Variants in RRP12 observed in about 807,000 individuals in gnomAD.
RRP12 encodes the protein ribosomal RNA processing 12 homolog.
In RRP12, 78 loss-of-function variants were observed where a neutral mutation model predicts 157.3. The observed-to-expected ratio is 0.50, with a 90% confidence interval of 0.41 to 0.60. RRP12 has a LOEUF of 0.60. Ranked by LOEUF, RRP12 falls within the 20% of genes least tolerant of loss-of-function variation. The probability of loss-of-function intolerance (pLI) is 0.00; values close to 1 mark genes in which losing one functional copy is unlikely to be tolerated. For missense variants in RRP12, 1,521 were observed against 1,679.9 expected, an observed-to-expected ratio of 0.91 and a Z score of 1.65; for synonymous variants, 726 against 670.9, an observed-to-expected ratio of 1.08 and a Z score of -1.27.
In RRP12 at chr10:97,370,951, A is replaced by G; in HGVS notation, c.2474T>C (p.Leu825Pro). ...CTTGGCGGGTGAGGAGGTGCTCCGC[A>G]GCGAGTCCAGCAGTGTCTTCTTCAG... ...EDLKKTLLDSLRSTSSPAKRP... is the reference protein window; with the variant it reads ...EDLKKTLLDSPRSTSSPAKRP... The change falls in exon 21 of 34, where the codon CTG becomes CCG. Residue 825 changes from leucine to proline, a missense_variant. Physicochemically the swap from Leu to Pro is moderately conservative, Grantham distance 98. Coordinates refer to ENST00000370992, the MANE Select transcript of RRP12 (RefSeq NM_015179.4). 6.2e-7 allele frequency: 1 copy of G among 1,613,978 alleles called. No individual in the cohort carries two copies. Among genetic ancestry groups the G allele is most frequent in the Non-Finnish European group, 8.5e-7 (1 of 1,179,982 alleles).
intron 15 of RRP12, among the ~76,000 whole-genome samples, chr10:97,376,058 G>A (rs565994430): frequency 2.0e-5 from 3 of 151,990 alleles, no homozygotes; most frequent in East Asian, 1.9e-4. Flanking sequence ...AGCCAAGATC[G>A]CACCACTGCA....
chr10:97,396,193 C>T (rs1368462781), intron 3 of RRP12, 25 bp downstream of exon 3: 1 of 1,548,350 alleles, frequency 6.5e-7, no homozygotes. Context: ...CTCTGAACAC[C>T]CACCCTCCAG....
chr10:97,363,661 A>C (rs1410086713), intron 30 of RRP12, among the ~76,000 whole-genome samples, 193 bp downstream of exon 30: 2 of 152,106 alleles, frequency 1.3e-5, no homozygotes, highest in Admixed American at 1.3e-4. Context: ...TTTCTCCTTT[A>C]ACTAGACAAC....
chr10:97,370,111 T>C (rs989863994), intron 24 of RRP12, 56 bp downstream of exon 24: 70 of 1,235,390 alleles, frequency 5.7e-5, no homozygotes, highest in African/African-American at 7.4e-5. Flanking sequence ...TCCTGACCTT[T>C]TGGGCATCTT....
At chr10:97,377,334 T>C (rs1311653848) in intron 15 of RRP12, among the ~76,000 whole-genome samples, 1 of 151,828 alleles carries the variant, frequency 6.6e-6, no homozygotes, top group Non-Finnish European at 1.5e-5. Context: ...CTGGCCAACA[T>C]GGTGAAACCC....
rs752044310 is a variant in RRP12, at chr10:97,372,107, C to A, written c.2309G>T (p.Ser770Ile). Reference sequence around the variant, plus strand: ...GGGCCGGATGGTGGAGTATAGCTTACTGATGGCAGCTTCGTCAGCACACGG... The same window carrying A: ...GGGCCGGATGGTGGAGTATAGCTTAATGATGGCAGCTTCGTCAGCACACGG... ...LAPCADEAAI[S>I]KLYSTIRPYL... Residue 770 changes from serine (S) to isoleucine (I), a missense_variant, in exon 20 of 34, where the codon AGT becomes ATT. Physicochemically the swap from Ser to Ile is moderately radical, Grantham distance 142. Coordinates refer to ENST00000370992, the MANE Select transcript of RRP12 (RefSeq NM_015179.4). 4 of 1,613,582 alleles carry A rather than the reference C, an allele frequency of 2.5e-6. No homozygotes were observed. The African/African-American group carries it at 5.3e-5, about 22-fold the overall frequency.
Position 97,366,718 on chromosome 10 carries a change from CCCATGGCCCTA to C in RRP12, c.3215+13_3215+23del, listed in dbSNP as rs746909523. Reference sequence around the variant, plus strand: ...CCCTTGGGTTGGGGGGACACCGGGTCCCATGGCCCTAACATGGTCTCACCTGTCACCTTTGC... The same window carrying C: ...CCCTTGGGTTGGGGGGACACCGGGTCACATGGTCTCACCTGTCACCTTTGC... On this transcript the variant is annotated intron_variant, in intron 27 of 33. Transcript: ENST00000370992. 1.2e-6 allele frequency: 2 copies of C among 1,606,588 alleles called. No individual in the cohort carries two copies. Among genetic ancestry groups the C allele is most frequent in the African/African-American group, 2.7e-5 (2 of 74,820 alleles).
rs1270182183 is a variant in RRP12 at position 97,381,434 on chromosome 10, A to G, written c.1370T>C (p.Val457Ala). 1.2e-6 allele frequency: 2 copies of G among 1,613,640 alleles called. No individual in the cohort carries two copies. The highest frequency in any genetic ancestry group is 1.7e-6 in the Non-Finnish European group (2 of 1,179,844). ...GGCAGGGCCTGAGGCCGAGGAGGTCACGGAGCCAATGTCAGCCATGTGGGG... is the reference window on the plus strand; with the variant it reads ...GGCAGGGCCTGAGGCCGAGGAGGTCGCGGAGCCAATGTCAGCCATGTGGGG... ...VAPHMADIGS[V>A]TSSASGPAQS... The change falls in exon 12 of 34, where the codon GTG (valine) becomes GCG (alanine). Residue 457 changes from valine to alanine, a missense_variant. Coordinates refer to ENST00000370992, the MANE Select transcript of RRP12 (RefSeq NM_015179.4).
At chr10:97,396,947 T>C (rs1394274820) in intron 2 of RRP12, among the ~76,000 whole-genome samples, 4 of 151,764 alleles carry the variant, frequency 2.6e-5, no homozygotes, top group Non-Finnish European at 5.9e-5. Flanking sequence ...GTATTTTTAG[T>C]AGAGATGGGG....
chr10:97,390,875 G>C (rs1182595020), intron 4 of RRP12, 31 bp from the exon 5 acceptor site: 6 of 1,451,672 alleles, frequency 4.1e-6, no homozygotes, highest in African/African-American at 2.8e-5. Flanking sequence ...GGTCACCCCA[G>C]AGGGTCCCTG....
rs759510639 is a variant in RRP12, at chr10:97,393,753, G to C, written c.461C>G (p.Thr154Arg). The C allele has an allele frequency of 6.2e-7, 1 of 1,613,858 alleles. No homozygotes were observed. Among genetic ancestry groups the C allele is most frequent in the East Asian group, 2.2e-5 (1 of 44,866 alleles). ...CTCCGGGGACTCCACTGCTTCCATTGTTGTCATCTGAGGGCCAGATTGAGG... is the reference window on the plus strand; with the variant it reads ...CTCCGGGGACTCCACTGCTTCCATTCTTGTCATCTGAGGGCCAGATTGAGG... ...ETEYFAALMTTMEAVESPESL... is the reference protein window; with the variant it reads ...ETEYFAALMTRMEAVESPESL... The change falls in exon 4 of 34, where the codon ACA becomes AGA. Residue 154 changes from threonine (T) to arginine (R), a missense_variant. Transcript: ENST00000370992.
Position 97,379,701 on chromosome 10 carries a change from C to T in RRP12, c.1603G>A (p.Val535Met), listed in dbSNP as rs1272452199. Residue 535 changes from valine (V) to methionine (M), a missense_variant, in exon 14 of 34, where the codon GTG becomes ATG. Physicochemically the swap from Val to Met is conservative, Grantham distance 21. Coordinates refer to ENST00000370992, the MANE Select transcript of RRP12 (RefSeq NM_015179.4). ...CCCATACTGGTCACCGCAGCCCCCACTGCCTGGTCAAGAGCCGCCGTGTGG... is the reference window on the plus strand; with the variant it reads ...CCCATACTGGTCACCGCAGCCCCCATTGCCTGGTCAAGAGCCGCCGTGTGG... ...FPHTAALDQAVGAAVTSMGPE... is the reference protein window; with the variant it reads ...FPHTAALDQAMGAAVTSMGPE... 6.2e-7 allele frequency: 1 copy of T among 1,614,100 alleles called. No individual in the cohort carries two copies. The highest frequency in any genetic ancestry group is 8.5e-7 in the Non-Finnish European group (1 of 1,180,000).
At chr10:97,363,744 G>A (rs1843901710) in intron 30 of RRP12, 110 bp downstream of exon 30, 2 of 999,300 alleles carry the variant, frequency 2.0e-6, no homozygotes, top group African/African-American at 1.6e-5. Flanking sequence ...GATGCACCGA[G>A]CATTCCAGAA....
rs1844884886 is a variant in RRP12 at position 97,393,980 on chromosome 10, A to ATC, written c.454-221_454-220insGA. Among the ~76,000 whole-genome samples the ATC allele has an allele frequency of 2.6e-5, 4 of 152,276 alleles. No homozygotes were observed. The South Asian group carries it at 8.3e-4, about 32-fold the overall frequency. On this transcript the variant is annotated intron_variant, in intron 3 of 33. Transcript: ENST00000370992. Reference sequence around the variant, plus strand: ...TAAAGTAGGGATACTAATGCTACATACCTTATACGTTGTTGTGAGGTTTAA... The same window carrying ATC: ...TAAAGTAGGGATACTAATGCTACATATCCCTTATACGTTGTTGTGAGGTTTAA...
chr10:97,361,513 A>G (rs1181295421), intron 30 of RRP12, among the ~76,000 whole-genome samples: 1 of 152,222 alleles, frequency 6.6e-6, no homozygotes, highest in Non-Finnish European at 1.5e-5. Flanking sequence ...TCCAGAGGCC[A>G]ACCAGGGGAA....
chr10:97,366,210 C>T lies in RRP12; in HGVS notation c.3415G>A (p.Gly1139Ser). 6.2e-7 allele frequency: 1 copy of T among 1,611,566 alleles called. No homozygotes were observed. Among genetic ancestry groups the T allele is most frequent in the South Asian group, 1.1e-5 (1 of 91,066 alleles). The change falls in exon 29 of 34, where the codon GGC (glycine) becomes AGC (serine). Residue 1139 changes from glycine to serine, a missense_variant. Transcript: ENST00000370992. ...VLATQPGPGR[G>S]RKKDHGFKVS... ...TTGAAGCCGTGGTCCTTCTTCCTGC[C>T]CCGGCCTGGCCCTGGCTGCGTGGCT...
rs1173276657 is a variant in RRP12, at chr10:97,368,789, A to C, written c.2955+636T>G. On this transcript the variant is annotated intron_variant, in intron 25 of 33. Coordinates refer to ENST00000370992, the MANE Select transcript of RRP12 (RefSeq NM_015179.4). ...TGCTGATTCTCATCTGTCCCTTCCT[A>C]TCTTGAACCCAAGGCCAGACCCAAA... is the stretch of plus-strand genomic sequence containing the variant. Among the ~76,000 whole-genome samples, 17 of 152,324 alleles carry C rather than the reference A, an allele frequency of 1.1e-4. No homozygotes were observed. The East Asian group carries it at 2.7e-3, about 24-fold the overall frequency.
Position 97,357,165 on chromosome 10 carries a change from C to T in RRP12, c.3823G>A (p.Gly1275Ser). Residue 1275 changes from glycine to serine, a missense_variant, in exon 34 of 34, where the codon GGC (glycine) becomes AGC (serine). Transcript: ENST00000370992. The part of the protein sequence containing the change: ...KKMKLQGQFK[G>S]LVKAARRGSQ... ...CCTCGCCGGGCAGCCTTCACCAGGC[C>T]TTTGAACTGTCCCTGCAGCTTCATC... 6.2e-7 allele frequency: 1 copy of T among 1,612,784 alleles called. No individual in the cohort carries two copies. Among genetic ancestry groups the T allele is most frequent in the Non-Finnish European group, 8.5e-7 (1 of 1,179,144 alleles).
At chr10:97,399,126 AGCCGG>A (rs1488575302) in intron 2 of RRP12, among the ~76,000 whole-genome samples, 3 of 152,036 alleles carry the variant, frequency 2.0e-5, no homozygotes, top group Non-Finnish European at 2.9e-5. Flanking sequence ...ACAGAAAATT[AGCCGG>A]GCATGGTGGC....
Sources: gnomAD v4.1 joint callset for allele counts (sites outside exome capture counted in the v4.1 genomes callset) on GRCh38, gnomAD v4.1.1 for gene constraint, MANE v1.5 for transcripts, NCBI Gene and HGNC (gene_info 2026-07-23, HGNC 2026-07-21) for gene names.